The following CNBD2 variants were observed in gnomAD, a reference collection of about 807,000 sequenced individuals.
CNBD2 encodes the protein cyclic nucleotide binding domain containing 2.
In CNBD2, 64 loss-of-function variants were observed where a neutral mutation model predicts 63.7. The ratio of observed to expected loss-of-function variants is 1.00; its 90% CI spans 0.82 to 1.24. The LOEUF is 1.24. Among genes scored for constraint, CNBD2 ranks in the 50% most tolerant of loss-of-function variants. CNBD2 has a pLI of 0.00. For missense variants in CNBD2, 691 were observed against 713.5 expected, an observed-to-expected ratio of 0.97 and a Z score of 0.36; for synonymous variants, 229 against 255.4, an observed-to-expected ratio of 0.90 and a Z score of 0.99.
At chr20:36,005,892 A>G (rs2056977351) in intron 8 of CNBD2, among the ~76,000 whole-genome samples, 1 of 151,970 alleles carries the variant, frequency 6.6e-6, no homozygotes, top group South Asian at 2.1e-4. Context: ...TGGAGCTTGC[A>G]GTGAGCCGAG....
intron 2 of CNBD2, chr20:35,974,221 A>C (rs1411771799): frequency 6.5e-6 from 1 of 153,772 alleles, no homozygotes; most frequent in Non-Finnish European, 1.5e-5. Context: ...GGCCAAACCA[A>C]ACAAGGCTGC....
chr20:35,967,493 A>T (rs1272391502), upstream of CNBD2, among the ~76,000 whole-genome samples: 1 of 146,950 alleles, frequency 6.8e-6, no homozygotes, highest in African/African-American at 2.5e-5. Context: ...TGTTAATTGG[A>T]TGCTACAAAT....
chr20:36,001,145 A>G (rs2056893088), intron 8 of CNBD2, among the ~76,000 whole-genome samples: 1 of 151,938 alleles, frequency 6.6e-6, no homozygotes, highest in Non-Finnish European at 1.5e-5. Flanking sequence ...CTCTTTCTAC[A>G]CAGACACGGC....
chr20:35,982,201 A>T (rs992929286), intron 4 of CNBD2, among the ~76,000 whole-genome samples: 6 of 152,184 alleles, frequency 3.9e-5, no homozygotes, highest in African/African-American at 7.2e-5. Flanking sequence ...GGGCAGGGCC[A>T]TGAGCTCAGA....
chr20:36,029,088 A>G (rs547284642), intron 11 of CNBD2, among the ~76,000 whole-genome samples: 7 of 152,196 alleles, frequency 4.6e-5, no homozygotes, highest in Non-Finnish European at 8.8e-5. Context: ...TCAGTGAAAA[A>G]GTAGACTAGA....
intron 3 of CNBD2, among the ~76,000 whole-genome samples, chr20:35,976,211 G>A (rs539264574): frequency 1.2e-4 from 19 of 152,322 alleles, no homozygotes; most frequent in African/African-American, 3.6e-4. Context: ...AAGACTGTGA[G>A]CATGTAGGAA....
intron 8 of CNBD2, among the ~76,000 whole-genome samples, chr20:35,996,520 T>C (rs1439275990): frequency 1.3e-5 from 2 of 151,310 alleles, no homozygotes; most frequent in Non-Finnish European, 3.0e-5. Flanking sequence ...TTTTTTTTTT[T>C]TTTTGGAGAC....
At chr20:36,003,888 A>AC (rs1373538855) in intron 8 of CNBD2, among the ~76,000 whole-genome samples, 1 of 151,734 alleles carries the variant, frequency 6.6e-6, no homozygotes, top group Non-Finnish European at 1.5e-5. Context: ...AAAAAAAAAA[A>AC]ATCTCTTGAG....
At position 35,954,714 on chromosome 20, in the gene CNBD2, C is replaced by T. The variant is rs1449410540; in HGVS notation, c.9C>T (p.Phe3=). 7 of 989,192 alleles carry T rather than the reference C, an allele frequency of 7.1e-6. No homozygotes were observed. In the African/African-American group the frequency reaches 1.2e-4, roughly 17 times the overall value. 61.3% of individuals were successfully genotyped at this position (989,192 alleles called of 1,614,324 possible). ...AGCCTGAATGTTTGGAGATAGACTT[C>T]AAGTCCCGGACCTTATCCGTGCGCC... The change falls in exon 1 of 1, where the codon TTC becomes TTT. Residue 3 remains phenylalanine (F), a synonymous_variant. Coordinates refer to the CNBD2 transcript ENST00000614708.
At chr20:35,985,656 T>C (rs956468306) in intron 6 of CNBD2, among the ~76,000 whole-genome samples, 3 of 151,956 alleles carry the variant, frequency 2.0e-5, no homozygotes, top group African/African-American at 4.8e-5. Context: ...CAGCTAACTT[T>C]TTTGTATTTT....
At chr20:35,995,231 GA>G in intron 8 of CNBD2, 79 bp downstream of exon 8, 1 of 962,136 alleles carries the variant, frequency 1.0e-6, no homozygotes, top group South Asian at 1.4e-5. Context: ...TAGAGCCTTA[GA>G]AATCTAGTCA....
intron 8 of CNBD2, among the ~76,000 whole-genome samples, chr20:36,004,847 G>A (rs2056963652): frequency 6.6e-6 from 1 of 152,108 alleles, no homozygotes; most frequent in African/African-American, 2.4e-5. Flanking sequence ...ACAGGCATGA[G>A]CCACCGCATC....
intron 4 of CNBD2, among the ~76,000 whole-genome samples, chr20:35,980,860 CAG>C (rs1184984680): frequency 1.3e-5 from 2 of 152,198 alleles, no homozygotes; most frequent in Admixed American, 1.3e-4. Flanking sequence ...GTAGAAACCT[CAG>C]AGAGGATCTG....
chr20:35,989,437 C>G (rs2056712398), intron 7 of CNBD2, among the ~76,000 whole-genome samples: 1 of 152,092 alleles, frequency 6.6e-6, no homozygotes, highest in African/African-American at 2.4e-5. Context: ...TGCCAAGTAC[C>G]AAGTGATTGG....
At chr20:36,027,850 G>A (rs1035316751) in intron 11 of CNBD2, among the ~76,000 whole-genome samples, 4 of 151,970 alleles carry the variant, frequency 2.6e-5, no homozygotes, top group Non-Finnish European at 5.9e-5. Flanking sequence ...ACTTTTAGTA[G>A]AGATGGGGTT....
downstream of CNBD2, among the ~76,000 whole-genome samples, chr20:35,957,214 C>G (rs2056265157): frequency 6.6e-6 from 1 of 152,100 alleles, no homozygotes; most frequent in Non-Finnish European, 1.5e-5. Flanking sequence ...AAAATCCAGC[C>G]CTTTGTGGGC....
intron 11 of CNBD2, among the ~76,000 whole-genome samples, chr20:36,026,322 C>T (rs2590963): frequency 0.054 from 8,269 of 152,196 alleles, 731 homozygotes; most frequent in African/African-American, 0.19. Context: ...CATGAGCCAC[C>T]GCGCCTGGCC....
rs370279613 is a variant in CNBD2 at position 35,968,796 on chromosome 20, C to T, written c.34C>T (p.Leu12Phe). 2.5e-6 allele frequency: 4 copies of T among 1,608,028 alleles called. No individual in the cohort carries two copies. Among genetic ancestry groups the T allele is most frequent in the Non-Finnish European group, 3.4e-6 (4 of 1,177,760 alleles). Reference sequence around the variant, plus strand: ...ACATATGGTAACTTATGCCTGGCAGCTCCTGAAGAAGGAACTGGTGAGGAG... The same window carrying T: ...ACATATGGTAACTTATGCCTGGCAGTTCCTGAAGAAGGAACTGGTGAGGAG... ...RRHMVTYAWQ[L>F]LKKELGLYQL... Residue 12 changes from leucine (L) to phenylalanine (F), a missense_variant, in exon 1 of 12, where the codon CTC becomes TTC. Transcript: ENST00000373973.
At chr20:35,981,148 C>T (rs1031402539) in intron 4 of CNBD2, among the ~76,000 whole-genome samples, 1 of 152,138 alleles carries the variant, frequency 6.6e-6, no homozygotes, top group Non-Finnish European at 1.5e-5. Context: ...ACAGCAAAAG[C>T]GACAGATGTC....
Sources: gnomAD v4.1 joint callset for allele counts (sites outside exome capture counted in the v4.1 genomes callset) on GRCh38, gnomAD v4.1.1 for gene constraint, MANE v1.5 for transcripts, NCBI Gene and HGNC (gene_info 2026-07-23, HGNC 2026-07-21) for gene names.